Variants in FNIP2 observed in about 807,000 individuals in gnomAD.
The protein encoded by FNIP2 is folliculin-interacting protein 2.
A neutral mutation model predicts 108.7 loss-of-function variants in FNIP2; 32 were observed. The observed-to-expected ratio is 0.29, with a 90% CI of 0.22 to 0.40. FNIP2 has a LOEUF of 0.40. Among genes scored for constraint, FNIP2 ranks in the 10% least tolerant of loss-of-function variants. The pLI, the probability that FNIP2 is intolerant of heterozygous loss-of-function variation, is 1.00. For synonymous variants in FNIP2, 480 were observed against 496.7 expected, an observed-to-expected ratio of 0.97 and a Z score of 0.45; for missense variants, 1,202 against 1,381.6, an observed-to-expected ratio of 0.87 and a Z score of 2.06.
chr4:158,812,638 A>C (rs1000365454), intron 1 of FNIP2, among the ~76,000 whole-genome samples: 5 of 152,088 alleles, frequency 3.3e-5, no homozygotes, highest in Non-Finnish European at 7.4e-5. Context: ...CAGCAACATT[A>C]AGCAGAAAGT....
At chr4:158,896,572 G>A (rs970545030) in intron 16 of FNIP2, among the ~76,000 whole-genome samples, 5 of 152,142 alleles carry the variant, frequency 3.3e-5, no homozygotes, top group East Asian at 3.8e-4. Flanking sequence ...TAATGTCGAC[G>A]TTTAAATTAT....
chr4:158,806,398 ACTGACC>A (rs763370198), intron 1 of FNIP2: 17 of 1,289,420 alleles, frequency 1.3e-5, no homozygotes, highest in Non-Finnish European at 1.7e-5. Flanking sequence ...AGACAGGAGC[ACTGACC>A]ACACGGAACT....
At chr4:158,832,878 C>T (rs755992815) in intron 5 of FNIP2, among the ~76,000 whole-genome samples, 18 of 152,216 alleles carry the variant, frequency 1.2e-4, no homozygotes, top group Non-Finnish European at 1.8e-4. Context: ...ATTTTGCCTT[C>T]ATTATGCTGT....
At chr4:158,895,371 A>G (rs1252561162) in intron 15 of FNIP2, among the ~76,000 whole-genome samples, 1 of 152,220 alleles carries the variant, frequency 6.6e-6, no homozygotes, top group Non-Finnish European at 1.5e-5. Context: ...TTACGTGTAA[A>G]TTCACATTCT....
At chr4:158,881,873 C>T (rs1404205850) in intron 14 of FNIP2, among the ~76,000 whole-genome samples, 4 of 152,196 alleles carry the variant, frequency 2.6e-5, no homozygotes, top group African/African-American at 9.7e-5. Context: ...TGGCCGCCAC[C>T]CCGTCTGGGA....
chr4:158,850,952 T>G (rs1030268133), intron 7 of FNIP2, among the ~76,000 whole-genome samples: 3 of 152,078 alleles, frequency 2.0e-5, no homozygotes, highest in Non-Finnish European at 2.9e-5. Context: ...TTGTGTTCCT[T>G]TTTAAAGGAT....
At position 158,868,539 on chromosome 4, in the gene FNIP2, G is replaced by A; in HGVS notation, c.1903G>A (p.Gly635Arg). 1 of 1,613,770 alleles carries A rather than the reference G, an allele frequency of 6.2e-7. No individual in the cohort carries two copies. The highest frequency in any genetic ancestry group is 8.5e-7 in the Non-Finnish European group (1 of 1,179,764). ...TGAGGCTTGCAGCGCAGGGTGCCTGGGGCCAGCATCAGACGCTTCCTGGAA... is the reference window on the plus strand; with the variant it reads ...TGAGGCTTGCAGCGCAGGGTGCCTGAGGCCAGCATCAGACGCTTCCTGGAA... ...GSEACSAGCL[G>R]PASDASWKPQ... The change falls in exon 13 of 17, where the codon GGG (glycine) becomes AGG (arginine). Residue 635 changes from glycine (G) to arginine (R), a missense_variant. Around this residue, in one of 5 missense-constraint regions of FNIP2, gnomAD observed 878 missense variants for 990.3 expected, o/e 0.89. Coordinates refer to ENST00000264433, the MANE Select transcript of FNIP2 (RefSeq NM_020840.3). The surrounding 1 kb of genome is among the most constrained non-coding windows in gnomAD (Gnocchi z 4.6).
At chr4:158,825,752 C>G (rs1778119233) in intron 1 of FNIP2, among the ~76,000 whole-genome samples, 164 bp from the exon 2 acceptor site, 2 of 152,272 alleles carry the variant, frequency 1.3e-5, no homozygotes, top group Non-Finnish European at 2.9e-5. Context: ...ACAAGGCTAT[C>G]TGTCCCAGGC....
chr4:158,777,726 T>A (rs1011446862), intron 1 of FNIP2, among the ~76,000 whole-genome samples: 1 of 152,190 alleles, frequency 6.6e-6, no homozygotes, highest in East Asian at 1.9e-4. Flanking sequence ...CGGAAGACCA[T>A]GTGGACGCTG....
intron 14 of FNIP2, chr4:158,889,848 G>A (rs1362640147): frequency 2.0e-6 from 2 of 983,766 alleles, no homozygotes; most frequent in Non-Finnish European, 2.4e-6. Flanking sequence ...TTGATGGCAA[G>A]TCGTCATCAT....
chr4:158,840,819 A>T (rs920750507), intron 7 of FNIP2, among the ~76,000 whole-genome samples: 1 of 152,232 alleles, frequency 6.6e-6, no homozygotes, highest in African/African-American at 2.4e-5. Flanking sequence ...TTCCTCGTCA[A>T]GGTGTTCACA....
intron 1 of FNIP2, among the ~76,000 whole-genome samples, chr4:158,819,876 G>T (rs1777782524): frequency 6.6e-6 from 1 of 152,168 alleles, no homozygotes; most frequent in Admixed American, 6.5e-5. Flanking sequence ...CTTAGAAGGT[G>T]TTTTTTGAGA....
Position 158,868,869 on chromosome 4 carries a change from T to G in FNIP2, c.2233T>G (p.Cys745Gly), listed in dbSNP as rs1780750059. The change falls in exon 13 of 17, where the codon TGT becomes GGT. Residue 745 changes from cysteine (C) to glycine (G), a missense_variant. Coordinates refer to ENST00000264433, the MANE Select transcript of FNIP2 (RefSeq NM_020840.3). This position sits in a 1 kb window ranked among gnomAD's most constrained non-coding sequence, Gnocchi z 4.6. ...AAAAATGGAGGAACGGGTGAAGGCC[T>G]GTGGCCCCTCCTTGGAGGCCAGTGA... ...MKKMEERVKA[C>G]GPSLEASEAA... 1 of 1,613,824 alleles carries G rather than the reference T, an allele frequency of 6.2e-7. No individual in the cohort carries two copies. The highest frequency in any genetic ancestry group is 1.3e-5 in the African/African-American group (1 of 74,918).
intron 1 of FNIP2, among the ~76,000 whole-genome samples, chr4:158,816,739 T>C (rs1222129940): frequency 6.7e-6 from 1 of 149,862 alleles, no homozygotes; most frequent in Admixed American, 6.7e-5. Context: ...GAGCCGAGAT[T>C]GCACCACTGC....
intron 14 of FNIP2, among the ~76,000 whole-genome samples, chr4:158,885,155 CA>C (rs1346610163): frequency 4.6e-5 from 7 of 151,380 alleles, no homozygotes; most frequent in Non-Finnish European, 8.8e-5. Flanking sequence ...GATTCTGTCT[CA>C]AAAAAAATAA....
chr4:158,888,376 A>G (rs950064017), intron 14 of FNIP2, among the ~76,000 whole-genome samples: 7 of 152,214 alleles, frequency 4.6e-5, no homozygotes, highest in African/African-American at 1.4e-4. Flanking sequence ...CAAGATGCTC[A>G]TCGACTCTTG....
intron 1 of FNIP2, among the ~76,000 whole-genome samples, chr4:158,774,488 G>C (rs1041327353): frequency 1.3e-5 from 2 of 152,190 alleles, no homozygotes; most frequent in African/African-American, 4.8e-5. Flanking sequence ...GGAGAAATCT[G>C]ATTTGAATAA....
chr4:158,870,770 C>T (rs921113574), intron 14 of FNIP2, among the ~76,000 whole-genome samples: 2 of 152,222 alleles, frequency 1.3e-5, no homozygotes. Flanking sequence ...GGGTGACTTC[C>T]TGCCATCCCT....
intron 6 of FNIP2, 42 bp downstream of exon 6, chr4:158,833,670 A>G (rs773652810): frequency 9.8e-6 from 15 of 1,532,826 alleles, no homozygotes; most frequent in East Asian, 9.0e-5. Flanking sequence ...TTCTGAATAC[A>G]CTATTGTGGG....
Sources: allele counts gnomAD v4.1 joint callset (sites outside exome capture counted in the v4.1 genomes callset), GRCh38; gene constraint gnomAD v4.1.1; regional missense constraint gnomAD v4.1.1; non-coding constraint Gnocchi (gnomAD v3.1); transcripts MANE v1.5; gene names NCBI Gene and HGNC (gene_info 2026-07-23, HGNC 2026-07-21).